HIVEP3: variants seen among roughly 807,000 people sequenced by gnomAD.
HIVEP3 encodes HIVEP zinc finger 3, also known as transcription factor HIVEP3.
A neutral mutation model predicts 152.8 loss-of-function variants in HIVEP3; 49 were observed. That is an observed-to-expected ratio of 0.32 (90% CI 0.26 to 0.41). The LOEUF (loss-of-function observed/expected upper bound fraction) is 0.41, where lower values mean the gene tolerates loss of function less well. Ranked by LOEUF, HIVEP3 falls within the 10% of genes least tolerant of loss-of-function variation. The pLI, the probability that HIVEP3 is intolerant of heterozygous loss-of-function variation, is 1.00. For synonymous variants in HIVEP3, 1,269 were observed against 1,289.0 expected (o/e 0.98, Z 0.33); for missense variants, 2,790 against 3,103.3 (o/e 0.90, Z 2.40).
At chr1:41,630,433 A>G (rs1173393097) in intron 2 of HIVEP3, among the ~76,000 whole-genome samples, 1 of 152,212 alleles carries the variant, frequency 6.6e-6, no homozygotes, top group Non-Finnish European at 1.5e-5. Context: ...AGTTGAAATT[A>G]TTTTTAAAAA....
At chr1:42,031,608 T>C (rs1044495156) in intron 1 of HIVEP3, among the ~76,000 whole-genome samples, 2 of 152,138 alleles carry the variant, frequency 1.3e-5, no homozygotes, top group African/African-American at 4.8e-5. Flanking sequence ...CCAAACTATC[T>C]CTAGGTATTG....
At chr1:41,607,840 C>T (rs539508873) in intron 3 of HIVEP3, among the ~76,000 whole-genome samples, 1 of 152,370 alleles carries the variant, frequency 6.6e-6, no homozygotes, top group South Asian at 2.1e-4. Context: ...GATATGGTGG[C>T]TTCACCGTGT....
At chr1:41,770,495 C>T (rs1253597264) in intron 1 of HIVEP3, among the ~76,000 whole-genome samples, 4 of 152,072 alleles carry the variant, frequency 2.6e-5, no homozygotes, top group Non-Finnish European at 5.9e-5. Context: ...GCAATGAACC[C>T]GGCAGATACC....
At chr1:41,697,914 C>A (rs1172415236) in intron 2 of HIVEP3, among the ~76,000 whole-genome samples, 2 of 152,192 alleles carry the variant, frequency 1.3e-5, no homozygotes, top group Non-Finnish European at 2.9e-5. Context: ...GTCATTCAAG[C>A]ATAGACTCTG....
chr1:41,570,347 C>A (rs1203540847), intron 5 of HIVEP3, among the ~76,000 whole-genome samples: 1 of 152,170 alleles, frequency 6.6e-6, no homozygotes. Flanking sequence ...AAGGGAGAGA[C>A]CAGGTGGAGG....
chr1:41,719,785 G>A (rs1280700523), intron 1 of HIVEP3, among the ~76,000 whole-genome samples: 1 of 152,212 alleles, frequency 6.6e-6, no homozygotes, highest in East Asian at 1.9e-4. Flanking sequence ...GCCCCAGTGG[G>A]ACTCCTGACT....
At chr1:41,885,799 C>T (rs1644337758) in intron 1 of HIVEP3, among the ~76,000 whole-genome samples, 1 of 150,160 alleles carries the variant, frequency 6.7e-6, no homozygotes, top group Non-Finnish European at 1.5e-5. Context: ...TCCCTCCCTC[C>T]CTTCTTCCCT....
At chr1:41,785,356 C>T (rs928387081) in intron 1 of HIVEP3, among the ~76,000 whole-genome samples, 2 of 152,154 alleles carry the variant, frequency 1.3e-5, no homozygotes, top group African/African-American at 2.4e-5. Flanking sequence ...AGGGTTGCAT[C>T]GGAATTTTAC....
intron 1 of HIVEP3, among the ~76,000 whole-genome samples, chr1:41,744,126 G>A (rs1647035808): frequency 6.6e-6 from 1 of 151,844 alleles, no homozygotes; most frequent in Admixed American, 6.6e-5. Flanking sequence ...TGCAACCTCC[G>A]CCTCCAGGTT....
At chr1:41,962,495 C>T (rs1645174422) in intron 1 of HIVEP3, among the ~76,000 whole-genome samples, 1 of 152,222 alleles carries the variant, frequency 6.6e-6, no homozygotes. Flanking sequence ...TCGTAAAACA[C>T]ATGTCATTTG....
chr1:41,888,748 C>T (rs554253976), intron 1 of HIVEP3, among the ~76,000 whole-genome samples: 2 of 119,152 alleles, frequency 1.7e-5, no homozygotes, highest in Admixed American at 1.8e-4. Flanking sequence ...ATGCCCCCCA[C>T]ACCACATACC....
At chr1:41,778,891 A>T (rs1350717084) in intron 1 of HIVEP3, among the ~76,000 whole-genome samples, 2 of 152,192 alleles carry the variant, frequency 1.3e-5, no homozygotes, top group African/African-American at 4.8e-5. Context: ...CTGGGCAGAG[A>T]TAGGAAGGGT....
In HIVEP3 at chr1:41,524,788, G is replaced by A. The variant is rs767340805; in HGVS notation, c.5330C>T (p.Thr1777Ile). ...CTTGCACACATAGGGCCGGACGTCAGTGTGGGTGCGGATGTGTTTCTTCAG... is the reference window on the plus strand; with the variant it reads ...CTTGCACACATAGGGCCGGACGTCAATGTGGGTGCGGATGTGTTTCTTCAG... ...SMLKKHIRTH[T>I]DVRPYVCKHC... The change falls in exon 6 of 9, where the codon ACT (threonine) becomes ATT (isoleucine). Residue 1777 changes from threonine (T) to isoleucine (I), a missense_variant. By Grantham distance (89) the Thr-to-Ile change is moderately conservative. Transcript: ENST00000372583. 4 of 1,614,204 alleles carry A rather than the reference G, an allele frequency of 2.5e-6. No individual in the cohort carries two copies. Among genetic ancestry groups the A allele is most frequent in the Non-Finnish European group, 3.4e-6 (4 of 1,180,036 alleles).
intron 1 of HIVEP3, among the ~76,000 whole-genome samples, chr1:41,864,184 C>T (rs928701422): frequency 1.3e-5 from 2 of 152,104 alleles, no homozygotes; most frequent in Admixed American, 6.6e-5. Context: ...CCCTTCCTTC[C>T]AAATTTCCTT....
intron 1 of HIVEP3, among the ~76,000 whole-genome samples, chr1:41,982,666 C>T (rs955903259): frequency 6.6e-6 from 1 of 152,006 alleles, no homozygotes; most frequent in Non-Finnish European, 1.5e-5. Context: ...CAGTTCTTGC[C>T]CAGTACTATT....
intron 1 of HIVEP3, among the ~76,000 whole-genome samples, chr1:42,003,212 G>A (rs1351032338): frequency 1.3e-5 from 2 of 152,050 alleles, no homozygotes; most frequent in Admixed American, 6.6e-5. Context: ...GAGTAGCTGG[G>A]AATGCAGGTG....
At chr1:41,649,429 A>G (rs1645512241) in intron 2 of HIVEP3, among the ~76,000 whole-genome samples, 1 of 152,240 alleles carries the variant, frequency 6.6e-6, no homozygotes. Flanking sequence ...TCAACAGGCC[A>G]CACTGCAAGA....
At position 41,866,816 on chromosome 1, in the gene HIVEP3, C is replaced by A. The variant is rs182636369; in HGVS notation, c.-801+51597G>T. Among the ~76,000 whole-genome samples the A allele has an allele frequency of 1.6e-4, 25 of 152,322 alleles. No individual in the cohort carries two copies. In the East Asian group the frequency reaches 4.6e-3, roughly 28 times the overall value. On this transcript the variant is annotated intron_variant, in intron 1 of 8. Transcript: ENST00000372583. ...GCTGCAGAGCACAGGGAGCTCCTGG[C>A]ATGCTAAAGGTCATTTACAGATCAC...
intron 3 of HIVEP3, among the ~76,000 whole-genome samples, chr1:41,622,419 G>C (rs77477008): frequency 6.6e-6 from 1 of 152,158 alleles, no homozygotes; most frequent in South Asian, 2.1e-4. Flanking sequence ...TGGAGATAAC[G>C]GGAACAGGCT....
Sources: allele counts gnomAD v4.1 joint callset (sites outside exome capture counted in the v4.1 genomes callset), GRCh38; gene constraint gnomAD v4.1.1; transcripts MANE v1.5; gene names NCBI Gene and HGNC (gene_info 2026-07-23, HGNC 2026-07-21).